The following LIN52 variants were observed in gnomAD, a reference collection of about 807,000 sequenced individuals.
LIN52 encodes protein lin-52 homolog.
Under a neutral mutation model 18.5 loss-of-function variants are expected in LIN52, and 4 were observed. The ratio of observed to expected loss-of-function variants is 0.22; its 90% CI spans 0.11 to 0.49. LIN52 has a LOEUF of 0.49. Ranked by LOEUF, LIN52 falls within the 20% of genes least tolerant of loss-of-function variation. The pLI is 0.97. For synonymous variants in LIN52, 34 were observed against 45.5 expected, an observed-to-expected ratio of 0.75 and a Z score of 1.02; for missense variants, 102 against 139.5, an observed-to-expected ratio of 0.73 and a Z score of 1.35.
Position 74,084,991 on chromosome 14 carries a change from A to G in LIN52, c.17A>G (p.Asp6Gly). ...GGTTGGAAGATGGCGTCTCCCACAG[A>G]CGGTAAGAGCCGGCTTAGAGATCTT... MASPT[D>G]GTDLEASLLS... Residue 6 changes from aspartate to glycine, a missense_variant and splice_region_variant, in exon 1 of 6, where the codon GAC becomes GGC. Physicochemically the swap from Asp to Gly is moderately conservative, Grantham distance 94 (BLOSUM62 -1). Coordinates refer to ENST00000555028, the MANE Select transcript of LIN52 (RefSeq NM_001024674.3). The G allele has an allele frequency of 1.4e-6, 2 of 1,416,426 alleles. No homozygotes were observed. The highest frequency in any genetic ancestry group is 2.7e-5 in the East Asian group (1 of 37,112). The allele number at this position is 1,416,426 out of a possible 1,614,324, so 87.7% of individuals were successfully genotyped here.
intron 1 of LIN52, among the ~76,000 whole-genome samples, chr14:74,089,246 A>C (rs191462910): frequency 1.3e-5 from 2 of 152,182 alleles, no homozygotes; most frequent in African/African-American, 2.4e-5. Flanking sequence ...AAAAGAATGC[A>C]TGAAGGATGA....
chr14:74,155,655 A>T (rs2061196278), intron 5 of LIN52, among the ~76,000 whole-genome samples: 1 of 152,240 alleles, frequency 6.6e-6, no homozygotes, highest in Non-Finnish European at 1.5e-5. Context: ...ATGGCAGCTT[A>T]GCTAGATCCC....
chr14:74,090,039 G>C (rs550084183), intron 1 of LIN52, among the ~76,000 whole-genome samples: 1 of 129,102 alleles, frequency 7.7e-6, no homozygotes, highest in East Asian at 2.2e-4. Flanking sequence ...TTTTTTTTGA[G>C]ATGGAGTCTT....
At chr14:74,087,033 G>T (rs2060737416) in intron 1 of LIN52, among the ~76,000 whole-genome samples, 1 of 151,918 alleles carries the variant, frequency 6.6e-6, no homozygotes, top group Non-Finnish European at 1.5e-5. Flanking sequence ...AAACTTTGGG[G>T]ATTTTAGAGA....
chr14:74,170,899 A>T (rs995741929), intron 5 of LIN52, among the ~76,000 whole-genome samples: 3 of 151,378 alleles, frequency 2.0e-5, no homozygotes, highest in African/African-American at 7.3e-5. Context: ...GACATAAATG[A>T]TCCCAGGCAT....
At chr14:74,183,098 TC>T (rs1469340801) in intron 5 of LIN52, among the ~76,000 whole-genome samples, 20 of 89,920 alleles carry the variant, frequency 2.2e-4, no homozygotes, top group South Asian at 2.2e-3. Context: ...TCTCTCTCTC[TC>T]TCTCTTTTTT....
At chr14:74,151,194 G>A (rs747778581) in intron 5 of LIN52, among the ~76,000 whole-genome samples, 3 of 152,120 alleles carry the variant, frequency 2.0e-5, no homozygotes, top group Non-Finnish European at 2.9e-5. Flanking sequence ...AACTTTTTTC[G>A]GTGGGAATGA....
intron 5 of LIN52, among the ~76,000 whole-genome samples, chr14:74,181,134 A>G (rs1181596678): frequency 6.7e-6 from 1 of 149,728 alleles, no homozygotes; most frequent in Non-Finnish European, 1.5e-5. Context: ...AAAAAGAAAA[A>G]AGAAAAGAAA....
At chr14:74,128,777 A>G (rs527572196) in intron 5 of LIN52, among the ~76,000 whole-genome samples, 1 of 152,082 alleles carries the variant, frequency 6.6e-6, no homozygotes, top group South Asian at 2.1e-4. Flanking sequence ...CCTCGTCTCT[A>G]CTAAAAAGTA....
chr14:74,157,104 C>T (rs1194821637), intron 5 of LIN52, among the ~76,000 whole-genome samples: 1 of 150,388 alleles, frequency 6.6e-6, no homozygotes, highest in Non-Finnish European at 1.5e-5. Flanking sequence ...GCCATCTCGG[C>T]TCACTGCAAC....
chr14:74,102,815 CTAAT>C (rs1315702879), intron 5 of LIN52, among the ~76,000 whole-genome samples: 1 of 152,174 alleles, frequency 6.6e-6, no homozygotes, highest in Non-Finnish European at 1.5e-5. Flanking sequence ...TATGGTTCCT[CTAAT>C]TAGTTTCTCT....
intron 5 of LIN52, among the ~76,000 whole-genome samples, chr14:74,185,409 G>C (rs2061336866): frequency 7.2e-6 from 1 of 139,702 alleles, no homozygotes; most frequent in Non-Finnish European, 1.5e-5. Context: ...CCACTTCCTG[G>C]GTTCACGCCA....
chr14:74,111,325 G>T (rs2060925615), intron 5 of LIN52, among the ~76,000 whole-genome samples: 1 of 152,108 alleles, frequency 6.6e-6, no homozygotes, highest in African/African-American at 2.4e-5. Flanking sequence ...CAGGGTCTCT[G>T]TTGCCCAGGC....
chr14:74,150,032 C>CCTGCTGAGAAATAGGAGGCTTTAAAT (rs943476630), intron 5 of LIN52, among the ~76,000 whole-genome samples: 1 of 152,124 alleles, frequency 6.6e-6, no homozygotes, highest in Non-Finnish European at 1.5e-5. Context: ...AGATTGTCCC[C>CCTGCTGAGAAATAGGAGGCTTTAAAT]CTGCTGAGAA....
chr14:74,085,039 TC>T, intron 1 of LIN52, 46 bp downstream of exon 1: 1 of 1,351,296 alleles, frequency 7.4e-7, no homozygotes, highest in Non-Finnish European at 9.6e-7. Context: ...CCTTCTTTGC[TC>T]TACTGGGAAC....
intron 5 of LIN52, among the ~76,000 whole-genome samples, chr14:74,153,577 C>G (rs1211661859): frequency 3.4e-5 from 5 of 147,522 alleles, no homozygotes; most frequent in African/African-American, 1.3e-4. Flanking sequence ...CAGAATTTCT[C>G]TCTGTTGCCC....
intron 5 of LIN52, among the ~76,000 whole-genome samples, chr14:74,175,518 C>A (rs990012409): frequency 6.6e-6 from 1 of 151,200 alleles, no homozygotes; most frequent in Non-Finnish European, 1.5e-5. Context: ...TATAGCAAGA[C>A]CCTGTCTCTA....
chr14:74,105,528 A>G (rs1440501539), intron 5 of LIN52, among the ~76,000 whole-genome samples: 2 of 152,200 alleles, frequency 1.3e-5, no homozygotes, highest in Non-Finnish European at 2.9e-5. Flanking sequence ...CTTCTTACAT[A>G]CAGTCTCTCT....
chr14:74,164,326 C>CT (rs1246463084), intron 5 of LIN52, among the ~76,000 whole-genome samples: 3 of 151,422 alleles, frequency 2.0e-5, no homozygotes, highest in Non-Finnish European at 4.4e-5. Flanking sequence ...ACTCTGTCAC[C>CT]TAGGCTGGAG....
Sources: gnomAD v4.1 joint callset for allele counts (sites outside exome capture counted in the v4.1 genomes callset) on GRCh38, gnomAD v4.1.1 for gene constraint, MANE v1.5 for transcripts, NCBI Gene and HGNC (gene_info 2026-07-23, HGNC 2026-07-21) for gene names.